The following CCDC7 variants were observed in gnomAD, a reference collection of about 807,000 sequenced individuals.
The protein encoded by CCDC7 is coiled-coil domain containing 7.
In CCDC7, 183 loss-of-function variants were observed where a neutral mutation model predicts 196.9. The observed-to-expected ratio is 0.93, with a 90% CI of 0.82 to 1.05. The LOEUF (loss-of-function observed/expected upper bound fraction) is 1.05. Among genes scored for constraint, CCDC7 ranks in the 50% least tolerant of loss-of-function variants. The probability of loss-of-function intolerance (pLI) is 0.00; values close to 1 mark genes in which losing one functional copy is unlikely to be tolerated. For missense variants in CCDC7, 1,540 were observed against 1,482.2 expected, an observed-to-expected ratio of 1.04 and a Z score of -0.64; for synonymous variants, 525 against 484.6, an observed-to-expected ratio of 1.08 and a Z score of -1.10.
At chr10:32,702,220 C>A (rs1018914376) in intron 24 of CCDC7, among the ~76,000 whole-genome samples, 3 of 151,600 alleles carry the variant, frequency 2.0e-5, no homozygotes, top group Non-Finnish European at 4.4e-5. Flanking sequence ...GTATGTTGTG[C>A]CTTTGTTCTC....
intron 18 of CCDC7, among the ~76,000 whole-genome samples, chr10:32,584,518 G>C (rs1178403037): frequency 6.6e-6 from 1 of 151,750 alleles, no homozygotes; most frequent in African/African-American, 2.4e-5. Flanking sequence ...AGCACTTTGG[G>C]AGGCCGAGGC....
At chr10:32,689,135 A>G (rs1199139603) in exon 23 of CCDC7, 1 of 1,595,954 alleles carries the variant, frequency 6.3e-7, no homozygotes, top group East Asian at 2.2e-5. Flanking sequence ...TGAAGGAACA[A>G]AGAACTCTCA....
chr10:32,629,506 A>G (rs896560030), intron 18 of CCDC7, among the ~76,000 whole-genome samples: 1 of 152,056 alleles, frequency 6.6e-6, no homozygotes, highest in Non-Finnish European at 1.5e-5. Flanking sequence ...CATATAAACT[A>G]CAAGAGAGAG....
At chr10:32,453,900 G>T (rs2033720855) in intron 2 of CCDC7, among the ~76,000 whole-genome samples, 1 of 152,130 alleles carries the variant, frequency 6.6e-6, no homozygotes, top group South Asian at 2.1e-4. Flanking sequence ...GTATATAAAT[G>T]TTTATAGAAG....
intron 18 of CCDC7, among the ~76,000 whole-genome samples, chr10:32,620,831 T>C (rs961886726): frequency 3.3e-5 from 5 of 152,166 alleles, no homozygotes; most frequent in Non-Finnish European, 7.3e-5. Flanking sequence ...TGTTACTACT[T>C]TCAGCAGTGC....
chr10:32,524,949 C>T (rs1339388595), intron 11 of CCDC7, among the ~76,000 whole-genome samples: 1 of 152,142 alleles, frequency 6.6e-6, no homozygotes, highest in Non-Finnish European at 1.5e-5. Flanking sequence ...TTGATATTAT[C>T]CCTTTGAATA....
intron 35 of CCDC7, 68 bp from the exon 37 acceptor site, chr10:32,845,808 C>T: frequency 7.8e-7 from 1 of 1,279,950 alleles, no homozygotes; most frequent in Non-Finnish European, 1.1e-6. Context: ...CACACACACA[C>T]AGATACACAC....
upstream of CCDC7, among the ~76,000 whole-genome samples, chr10:32,450,282 G>A (rs555757939): frequency 1.6e-4 from 25 of 152,258 alleles, no homozygotes; most frequent in Admixed American, 3.9e-4. Context: ...TCTGCCTGTC[G>A]CTATATGGTC....
chr10:32,746,264 A>C (rs2074712804), intron 28 of CCDC7, among the ~76,000 whole-genome samples: 1 of 152,172 alleles, frequency 6.6e-6, no homozygotes, highest in South Asian at 2.1e-4. Flanking sequence ...TGGTCCCCAG[A>C]AATTTTTGGG....
intron 24 of CCDC7, among the ~76,000 whole-genome samples, chr10:32,704,467 TGAG>T (rs199926994): frequency 0.043 from 6,595 of 152,152 alleles, 476 homozygotes; most frequent in African/African-American, 0.15. Flanking sequence ...GGGACCCACT[TGAG>T]GAGGCAGTCA....
At chr10:32,759,400 G>A (rs1592448008) in intron 28 of CCDC7, among the ~76,000 whole-genome samples, 1 of 151,944 alleles carries the variant, frequency 6.6e-6, no homozygotes, top group South Asian at 2.1e-4. Context: ...ACAGAGATAT[G>A]GACCAATGGA....
intron 13 of CCDC7, among the ~76,000 whole-genome samples, chr10:32,552,424 A>G (rs1188304289): frequency 6.6e-6 from 1 of 152,176 alleles, no homozygotes; most frequent in Non-Finnish European, 1.5e-5. Context: ...TGTTGCATTC[A>G]TCGTGCTCTT....
intron 6 of CCDC7, among the ~76,000 whole-genome samples, 167 bp from the exon 8 acceptor site, chr10:32,472,307 CAACTTGT>C (rs1335412947): frequency 2.6e-5 from 4 of 152,126 alleles, no homozygotes; most frequent in Non-Finnish European, 4.4e-5. Context: ...TTTGACTTTT[CAACTTGT>C]AACTTGTAAG....
intron 28 of CCDC7, among the ~76,000 whole-genome samples, chr10:32,746,438 G>A (rs138032073): frequency 0.034 from 5,203 of 152,252 alleles, 102 homozygotes; most frequent in Non-Finnish European, 0.05. Flanking sequence ...ATTCCAGAGG[G>A]TTTGGCGCTG....
intron 26 of CCDC7, among the ~76,000 whole-genome samples, chr10:32,727,973 A>G (rs1413787733): frequency 6.6e-6 from 1 of 152,170 alleles, no homozygotes; most frequent in East Asian, 1.9e-4. Context: ...TGCCTCTGCA[A>G]GGGTGGTCCA....
rs748830302 is a variant in CCDC7 at position 32,462,707 on chromosome 10, C to T, written c.477+4C>T. 30 of 1,454,802 alleles carry T rather than the reference C, an allele frequency of 2.1e-5. No homozygotes were observed. The highest frequency in any genetic ancestry group is 2.3e-5 in the East Asian group (1 of 42,688). 90.1% of individuals were successfully genotyped at this position (1,454,802 alleles called of 1,614,324 possible). A position where few individuals can be genotyped will look rare whatever the true frequency, so the allele number is the denominator to read the frequency against. ...GATTTTGGAATCTCTTTTTAAGGTACGTTCAATATATTACAGCTTAAGCCT... is the reference window on the plus strand; with the variant it reads ...GATTTTGGAATCTCTTTTTAAGGTATGTTCAATATATTACAGCTTAAGCCT... On this transcript the variant is annotated splice_donor_region_variant and intron_variant, in intron 4 of 41. Coordinates refer to ENST00000639629, the Ensembl canonical transcript of CCDC7.
At chr10:32,717,590 T>A (rs776076831) in intron 25 of CCDC7, among the ~76,000 whole-genome samples, 8 of 151,216 alleles carry the variant, frequency 5.3e-5, no homozygotes, top group Non-Finnish European at 1.2e-4. Context: ...ATTCAGGAGC[T>A]GTTTTTTTGA....
chr10:32,512,437 C>T (rs1006494148), intron 9 of CCDC7: 1 of 152,160 alleles, frequency 6.6e-6, no homozygotes, highest in Non-Finnish European at 1.5e-5. Flanking sequence ...GAATTGGAAT[C>T]ATAATAATTC....
chr10:32,640,682 G>T (rs1427379879), intron 20 of CCDC7, among the ~76,000 whole-genome samples: 1 of 151,936 alleles, frequency 6.6e-6, no homozygotes, highest in Non-Finnish European at 1.5e-5. Flanking sequence ...CTTCCTTCAG[G>T]AGCTCTTTTA....
Sources: gnomAD v4.1 joint callset for allele counts (sites outside exome capture counted in the v4.1 genomes callset) on GRCh38, gnomAD v4.1.1 for gene constraint, MANE v1.5 for transcripts, NCBI Gene and HGNC (gene_info 2026-07-23, HGNC 2026-07-21) for gene names.